The following RNF169 variants were observed in gnomAD, a reference collection of about 807,000 sequenced individuals.
RNF169 encodes E3 ubiquitin-protein ligase RNF169.
In RNF169, 24 loss-of-function variants were observed where a neutral mutation model predicts 53.9. The ratio of observed to expected loss-of-function variants is 0.45; its 90% CI spans 0.32 to 0.63. RNF169 has a LOEUF of 0.63. Among genes scored for constraint, RNF169 ranks in the 20% least tolerant of loss-of-function variants. The pLI, the probability that RNF169 is intolerant of heterozygous loss-of-function variation, is 0.04. For missense variants in RNF169, 883 were observed against 906.2 expected (o/e 0.97, Z 0.33); for synonymous variants, 396 against 363.5 (o/e 1.09, Z -1.02).
In RNF169 at chr11:74,810,278, A is replaced by G; in HGVS notation, c.671A>G (p.Asp224Gly). The change falls in exon 3 of 6, where the codon GAT becomes GGT. Residue 224 changes from aspartate (D) to glycine (G), a missense_variant. Around this residue, in one of 3 missense-constraint regions of RNF169, gnomAD observed 219 missense variants for 289.1 expected, o/e 0.76. Coordinates refer to ENST00000299563, the MANE Select transcript of RNF169 (RefSeq NM_001098638.2). ...EDTETGKRKMDEQKKRDEPLV... is the reference protein window; with the variant it reads ...EDTETGKRKMGEQKKRDEPLV... ...ACAGAAACAGGGAAAAGGAAAATGG[A>G]TGAACAGAAAAAAAGAGATGAACCA... is the stretch of plus-strand genomic sequence containing the variant. 6.2e-7 allele frequency: 1 copy of G among 1,614,020 alleles called. No homozygotes were observed. The highest frequency in any genetic ancestry group is 1.1e-5 in the South Asian group (1 of 91,078).
At chr11:74,801,743 C>T (rs186903937) in intron 2 of RNF169, among the ~76,000 whole-genome samples, 1 of 152,292 alleles carries the variant, frequency 6.6e-6, no homozygotes, top group Admixed American at 6.5e-5. Context: ...GCCTTGGCAA[C>T]ATAGTGAGAC....
At chr11:74,789,734 T>A in intron 2 of RNF169, 35 bp downstream of exon 2, 1 of 1,340,306 alleles carries the variant, frequency 7.5e-7, no homozygotes, top group Non-Finnish European at 1.1e-6. Flanking sequence ...TTTCTTAAAG[T>A]AGATTGAAAT....
At chr11:74,823,534 G>T (rs977901016) in intron 4 of RNF169, among the ~76,000 whole-genome samples, 2 of 152,086 alleles carry the variant, frequency 1.3e-5, no homozygotes, top group Non-Finnish European at 2.9e-5. Flanking sequence ...TCTGGAGTTT[G>T]AGACTAGTGT....
intron 1 of RNF169, among the ~76,000 whole-genome samples, chr11:74,788,274 A>G (rs1056540351): frequency 1.3e-5 from 2 of 150,122 alleles, no homozygotes; most frequent in African/African-American, 5.0e-5. Context: ...TATTCTATTC[A>G]TTGGGGGTTT....
chr11:74,756,929 T>C (rs2034992804), intron 1 of RNF169, among the ~76,000 whole-genome samples: 1 of 152,186 alleles, frequency 6.6e-6, no homozygotes, highest in African/African-American at 2.4e-5. Flanking sequence ...ATTCTCTTTT[T>C]AGCAAGATGG....
In RNF169 at chr11:74,839,587, C is replaced by T. The variant is rs995530884; in HGVS notation, c.*2857C>T. The T allele has an allele frequency of 6.6e-6, 1 of 152,144 alleles. No individual in the cohort carries two copies. The highest frequency in any genetic ancestry group is 1.5e-5 in the Non-Finnish European group (1 of 68,034). 9.4% of individuals were successfully genotyped at this position (152,144 alleles called of 1,614,324 possible). A position where few individuals can be genotyped will look rare whatever the true frequency, so the allele number is the denominator to read the frequency against. On this transcript the variant is annotated 3_prime_UTR_variant, in exon 6 of 6. Coordinates refer to ENST00000299563, the MANE Select transcript of RNF169 (RefSeq NM_001098638.2). ...GAAGCCCAGTTCACCATACAAATTACCCATGTCTTACTCTGTTCCTTGTAT... is the reference window on the plus strand; with the variant it reads ...GAAGCCCAGTTCACCATACAAATTATCCATGTCTTACTCTGTTCCTTGTAT...
intron 4 of RNF169, among the ~76,000 whole-genome samples, chr11:74,832,707 A>G (rs921301932): frequency 6.6e-6 from 1 of 152,068 alleles, no homozygotes; most frequent in African/African-American, 2.4e-5. Context: ...TGTTTTGCCG[A>G]TGGAATCACA....
Position 74,837,686 on chromosome 11 carries a change from C to T in RNF169, c.*956C>T, listed in dbSNP as rs182007063. The T allele has an allele frequency of 6.6e-6, 1 of 152,312 alleles. No individual in the cohort carries two copies. Among genetic ancestry groups the T allele is most frequent in the African/African-American group, 2.4e-5 (1 of 41,576 alleles). The allele number at this position is 152,312 out of a possible 1,614,324, so 9.4% of individuals were successfully genotyped here. ...GCTTCATTATTACTTTTCAAATGGC[C>T]AAGGGTTATCTGCAATGTTGATCTA... On this transcript the variant is annotated 3_prime_UTR_variant, in exon 6 of 6. Transcript: ENST00000299563.
intron 1 of RNF169, among the ~76,000 whole-genome samples, chr11:74,756,867 T>C (rs1003766168): frequency 1.3e-5 from 2 of 152,084 alleles, no homozygotes; most frequent in Non-Finnish European, 2.9e-5. Flanking sequence ...CTTTGAACTT[T>C]AGAGAGATCA....
chr11:74,800,820 C>T (rs1392120932), intron 2 of RNF169, among the ~76,000 whole-genome samples: 2 of 152,120 alleles, frequency 1.3e-5, no homozygotes, highest in African/African-American at 4.8e-5. Flanking sequence ...ACTTAGAGCT[C>T]TTTCTGCTTC....
intron 1 of RNF169, among the ~76,000 whole-genome samples, chr11:74,767,760 G>C (rs2035196649): frequency 6.6e-6 from 1 of 150,582 alleles, no homozygotes; most frequent in Non-Finnish European, 1.5e-5. Context: ...TTTTTTTTTA[G>C]TAGAGACGGG....
intron 2 of RNF169, among the ~76,000 whole-genome samples, chr11:74,808,807 C>T (rs993899540): frequency 2.0e-5 from 3 of 152,148 alleles, no homozygotes; most frequent in Non-Finnish European, 4.4e-5. Flanking sequence ...CTTCAGAAGA[C>T]CTTAAATCTT....
chr11:74,772,978 T>C (rs1180175144), intron 1 of RNF169, among the ~76,000 whole-genome samples: 1 of 152,226 alleles, frequency 6.6e-6, no homozygotes, highest in Admixed American at 6.5e-5. Flanking sequence ...AAATATTTAA[T>C]CCGTAATGGA....
chr11:74,775,110 C>G (rs2035314112), intron 1 of RNF169, among the ~76,000 whole-genome samples: 1 of 152,148 alleles, frequency 6.6e-6, no homozygotes, highest in South Asian at 2.1e-4. Flanking sequence ...GTTTTCTTTT[C>G]AAGATAGATG....
Position 74,840,450 on chromosome 11 carries a change from A to G in RNF169, c.*3720A>G, listed in dbSNP as rs372018539. 1 of 152,112 alleles carries G rather than the reference A, an allele frequency of 6.6e-6. No homozygotes were observed. The highest frequency in any genetic ancestry group is 1.5e-5 in the Non-Finnish European group (1 of 68,010). The allele number at this position is 152,112 out of a possible 1,614,324, so 9.4% of individuals were successfully genotyped here. A position where few individuals can be genotyped will look rare whatever the true frequency, so the allele number is the denominator to read the frequency against. ...AAGTAATGTTATGGAAGGAGAATGAATTTTCTCCTCTAGTGATTACAGGAC... is the reference window on the plus strand; with the variant it reads ...AAGTAATGTTATGGAAGGAGAATGAGTTTTCTCCTCTAGTGATTACAGGAC... On this transcript the variant is annotated 3_prime_UTR_variant, in exon 6 of 6. Coordinates refer to ENST00000299563, the MANE Select transcript of RNF169 (RefSeq NM_001098638.2).
chr11:74,780,168 G>C (rs1421208542), intron 1 of RNF169, among the ~76,000 whole-genome samples: 2 of 152,134 alleles, frequency 1.3e-5, no homozygotes. Context: ...TTTCACCCAA[G>C]TATGTTTTTC....
intron 1 of RNF169, among the ~76,000 whole-genome samples, chr11:74,764,345 C>A (rs1229416099): frequency 6.6e-6 from 1 of 151,936 alleles, no homozygotes; most frequent in African/African-American, 2.4e-5. Context: ...ACCAGCCTGA[C>A]TAACATGTTG....
At chr11:74,751,042 TG>T (rs2034886782) in intron 1 of RNF169, among the ~76,000 whole-genome samples, 1 of 151,966 alleles carries the variant, frequency 6.6e-6, no homozygotes, top group Non-Finnish European at 1.5e-5. Flanking sequence ...TGCTAATTTT[TG>T]TAATTTTAGT....
At chr11:74,791,415 T>C (rs2035578065) in intron 2 of RNF169, among the ~76,000 whole-genome samples, 1 of 152,222 alleles carries the variant, frequency 6.6e-6, no homozygotes, top group East Asian at 1.9e-4. Flanking sequence ...GTCTACTTCC[T>C]GTCACCATCA....
Sources: allele counts gnomAD v4.1 joint callset (sites outside exome capture counted in the v4.1 genomes callset), GRCh38; gene constraint gnomAD v4.1.1; regional missense constraint gnomAD v4.1.1; transcripts MANE v1.5; gene names NCBI Gene and HGNC (gene_info 2026-07-23, HGNC 2026-07-21).